The following CLSTN1 variants were observed in gnomAD, a reference collection of about 807,000 sequenced individuals.
CLSTN1 encodes the protein calsyntenin 1.
In CLSTN1, 28 loss-of-function variants were observed where a neutral mutation model predicts 108.3. The observed-to-expected ratio is 0.26, with a 90% CI of 0.19 to 0.35. The LOEUF (loss-of-function observed/expected upper bound fraction) is 0.35. Ranked by LOEUF, CLSTN1 falls within the 10% of genes least tolerant of loss-of-function variation. The pLI is 1.00. For synonymous variants in CLSTN1, 524 were observed against 534.9 expected (o/e 0.98, Z 0.28); for missense variants, 1,157 against 1,302.6 (o/e 0.89, Z 1.72).
chr1:9,800,241 A>G (rs1054654056), intron 1 of CLSTN1, among the ~76,000 whole-genome samples: 1 of 152,096 alleles, frequency 6.6e-6, no homozygotes, highest in Non-Finnish European at 1.5e-5. Context: ...ACAAAAATCA[A>G]TAAAACTGAA....
At chr1:9,795,743 C>T (rs1406529290) in intron 1 of CLSTN1, among the ~76,000 whole-genome samples, 2 of 151,120 alleles carry the variant, frequency 1.3e-5, no homozygotes, top group Non-Finnish European at 2.9e-5. Flanking sequence ...TCACTTGAGG[C>T]CAGGAGTTAG....
chr1:9,744,291 C>G, intron 8 of CLSTN1, 104 bp downstream of exon 8: 1 of 1,471,610 alleles, frequency 6.8e-7, no homozygotes, highest in Admixed American at 2.1e-5. Context: ...GGCCTACGAG[C>G]ACCAGGCTGG....
chr1:9,737,689 A>G (rs543383059), intron 10 of CLSTN1, 135 bp from the exon 11 acceptor site: 24 of 760,684 alleles, frequency 3.2e-5, no homozygotes, highest in Non-Finnish European at 5.2e-5. Context: ...CCGCTCTGGG[A>G]TGTACCCATC....
rs2101371661 is a variant in CLSTN1, at chr1:9,823,853, C to T, written c.-120G>A. The stretch of plus-strand genomic sequence containing the variant: ...CCGCGGCGCGGGGAGCTCCGGGGGT[C>T]CAAGGAGGAGCCGCCGCCGCCGCCG... On this transcript the variant is annotated 5_prime_UTR_variant, in exon 1 of 19. Transcript: ENST00000377298. The surrounding 1 kb of genome is among the most constrained non-coding windows in gnomAD (Gnocchi z 6.3). 4 of 363,402 alleles carry T rather than the reference C, an allele frequency of 1.1e-5. No homozygotes were observed. The highest frequency in any genetic ancestry group is 1.5e-5 in the Non-Finnish European group (4 of 258,402). 22.5% of individuals were successfully genotyped at this position (363,402 alleles called of 1,614,324 possible).
chr1:9,801,984 T>C (rs1257046830), intron 1 of CLSTN1, among the ~76,000 whole-genome samples: 5 of 152,204 alleles, frequency 3.3e-5, no homozygotes, highest in African/African-American at 1.2e-4. Flanking sequence ...ACATGTTTAC[T>C]ATAGTGTTCT....
chr1:9,802,993 T>C (rs1204769916), intron 1 of CLSTN1, among the ~76,000 whole-genome samples: 1 of 151,982 alleles, frequency 6.6e-6, no homozygotes, highest in Non-Finnish European at 1.5e-5. Flanking sequence ...CTTAGGTAAT[T>C]TTTTATTTTT....
Position 9,734,638 on chromosome 1 carries a change from C to T in CLSTN1, c.2110+310G>A, listed in dbSNP as rs1191820345. Among the ~76,000 whole-genome samples the T allele has an allele frequency of 6.6e-6, 1 of 151,920 alleles. No individual in the cohort carries two copies. The highest frequency in any genetic ancestry group is 1.5e-5 in the Non-Finnish European group (1 of 67,980). On this transcript the variant is annotated intron_variant, in intron 14 of 18. Transcript: ENST00000377298. The surrounding 1 kb of genome is among the most constrained non-coding windows in gnomAD (Gnocchi z 4.8). ...AGCAAGAATTGTGGGGACATTGTGC[C>T]TCCATGGGCTGGCCAGCCTGGCAGG...
At chr1:9,785,044 T>A (rs1175101752) in intron 1 of CLSTN1, among the ~76,000 whole-genome samples, 1 of 149,884 alleles carries the variant, frequency 6.7e-6, no homozygotes, top group South Asian at 2.1e-4. Flanking sequence ...CAGGCTGAAG[T>A]GAAATAAAAC....
chr1:9,768,052 C>T (rs1652434815), intron 2 of CLSTN1, among the ~76,000 whole-genome samples: 1 of 152,138 alleles, frequency 6.6e-6, no homozygotes, highest in Non-Finnish European at 1.5e-5. Context: ...AATGGAGGCA[C>T]AGAAAGGGTA....
At chr1:9,765,194 G>A (rs780767896) in intron 2 of CLSTN1, among the ~76,000 whole-genome samples, 1 of 152,038 alleles carries the variant, frequency 6.6e-6, no homozygotes, top group Non-Finnish European at 1.5e-5. Context: ...AGACCAGCCT[G>A]ACCAACATGG....
At chr1:9,757,508 T>TTTTTGGGA (rs1651877574) in intron 2 of CLSTN1, among the ~76,000 whole-genome samples, 10 of 152,222 alleles carry the variant, frequency 6.6e-5, no homozygotes, top group Non-Finnish European at 1.3e-4. Flanking sequence ...CCCAAAGTGC[T>TTTTTGGGA]GGGATTACAG....
chr1:9,734,880 C>T lies in CLSTN1; in HGVS notation c.2110+68G>A. On this transcript the variant is annotated intron_variant, in intron 14 of 18. Transcript: ENST00000377298. This position sits in a 1 kb window ranked among gnomAD's most constrained non-coding sequence, Gnocchi z 4.8. The stretch of plus-strand genomic sequence containing the variant: ...AATCCCACAGAGACAAAGAGCCCCG[C>T]CAAGTACATGGGGACAATGGGGTTT... 7.5e-7 allele frequency: 1 copy of T among 1,340,136 alleles called. No homozygotes were observed. The highest frequency in any genetic ancestry group is 1.1e-6 in the Non-Finnish European group (1 of 936,094). The allele number at this position is 1,340,136 out of a possible 1,614,324, so 83.0% of individuals were successfully genotyped here. A position where few individuals can be genotyped will look rare whatever the true frequency, so the allele number is the denominator to read the frequency against.
At chr1:9,815,890 A>G (rs1377938303) in intron 1 of CLSTN1, among the ~76,000 whole-genome samples, 1 of 152,104 alleles carries the variant, frequency 6.6e-6, no homozygotes, top group Non-Finnish European at 1.5e-5. Flanking sequence ...GAGCCAAGAT[A>G]ACATCACTGC....
chr1:9,736,104 C>G, intron 11 of CLSTN1, 62 bp from the exon 12 acceptor site: 1 of 1,601,454 alleles, frequency 6.2e-7, no homozygotes, highest in Non-Finnish European at 8.5e-7. Context: ...CAACTCACTT[C>G]TCACTCAACA....
intron 2 of CLSTN1, among the ~76,000 whole-genome samples, chr1:9,760,684 GTTTTTTTT>G (rs762619559): frequency 9.8e-6 from 1 of 102,404 alleles, no homozygotes; most frequent in Non-Finnish European, 1.9e-5. Flanking sequence ...CCATTCCCGG[GTTTTTTTT>G]TTTTTTTTTT....
In CLSTN1 at chr1:9,812,713, T is replaced by C. The variant is rs113837911; in HGVS notation, c.91+10930A>G. On this transcript the variant is annotated intron_variant, in intron 1 of 18. Transcript: ENST00000377298. Reference sequence around the variant, plus strand: ...AATACAAAATTAGCCGGGCCAGTTGTGGTGCATGCCTGTAATTCCAGCTAC... The same window carrying C: ...AATACAAAATTAGCCGGGCCAGTTGCGGTGCATGCCTGTAATTCCAGCTAC... Among the ~76,000 whole-genome samples the C allele has an allele frequency of 8.4e-3, 1,276 of 151,850 alleles. 15 individuals carry two copies. Among genetic ancestry groups the C allele is most frequent in the African/African-American group, 0.029 (1,189 of 41,370 alleles).
chr1:9,730,215 G>A lies in CLSTN1; in HGVS notation c.*293C>T. 1 of 505,174 alleles carries A rather than the reference G, an allele frequency of 2.0e-6. No individual in the cohort carries two copies. The highest frequency in any genetic ancestry group is 3.6e-6 in the Non-Finnish European group (1 of 278,160). 31.3% of individuals were successfully genotyped at this position (505,174 alleles called of 1,614,324 possible). On this transcript the variant is annotated 3_prime_UTR_variant, in exon 19 of 19. Transcript: ENST00000377298. The surrounding 1 kb of genome is among the most constrained non-coding windows in gnomAD (Gnocchi z 5.6). ...CGAGGGGCCAGTGTCCTCTCCCCGG[G>A]GGGAGACTCCAGACACAAACGCGGG...
intron 1 of CLSTN1, among the ~76,000 whole-genome samples, chr1:9,802,477 G>A (rs1045162066): frequency 1.3e-4 from 20 of 152,148 alleles, no homozygotes; most frequent in African/African-American, 4.6e-4. Context: ...CAAATAATGT[G>A]ACTTTGTTAA....
intron 5 of CLSTN1, 81 bp from the exon 6 acceptor site, chr1:9,749,994 G>T: frequency 8.4e-7 from 1 of 1,189,128 alleles, no homozygotes; most frequent in Non-Finnish European, 1.2e-6. Context: ...AAGACAAAAT[G>T]CATAGGCTTT....
Sources: allele counts gnomAD v4.1 joint callset (sites outside exome capture counted in the v4.1 genomes callset), GRCh38; gene constraint gnomAD v4.1.1; non-coding constraint Gnocchi (gnomAD v3.1); transcripts MANE v1.5; gene names NCBI Gene and HGNC (gene_info 2026-07-23, HGNC 2026-07-21).